Variants in MYPN observed in about 807,000 individuals in gnomAD.
The protein encoded by MYPN is sarcomeric protein myopalladin, 145 kDa (MYOP).
In MYPN, 63 loss-of-function variants were observed where a neutral mutation model predicts 129.4. The ratio of observed to expected loss-of-function variants is 0.49; its 90% CI spans 0.40 to 0.60. The LOEUF (loss-of-function observed/expected upper bound fraction) is 0.60, where lower values mean the gene tolerates loss of function less well. Ranked by LOEUF, MYPN falls within the 20% of genes least tolerant of loss-of-function variation. MYPN has a pLI of 0.00. For missense variants in MYPN, 1,596 were observed against 1,635.4 expected (o/e 0.98, Z 0.42); for synonymous variants, 629 against 600.9 (o/e 1.05, Z -0.68).
Position 68,194,522 on chromosome 10 carries a change from C to T in MYPN, c.3075+10C>T, listed in dbSNP as rs1230004902. The T allele has an allele frequency of 6.2e-7, 1 of 1,612,562 alleles. No homozygotes were observed. The highest frequency in any genetic ancestry group is 1.3e-5 in the African/African-American group (1 of 74,890). ...GGCAGCCAACCCCCAGGTGGAGACG[C>T]AGGGTTCTGCGCTGTGCTGCACTCT... On this transcript the variant is annotated intron_variant, in intron 14 of 19. Coordinates refer to ENST00000358913, the MANE Select transcript of MYPN (RefSeq NM_032578.4).
rs566817550 is a variant in MYPN, at chr10:68,140,411, A to G, written c.903-2529A>G. Among the ~76,000 whole-genome samples, 12 of 152,306 alleles carry G rather than the reference A, an allele frequency of 7.9e-5. No individual in the cohort carries two copies. The South Asian group carries it at 2.5e-3, about 32-fold the overall frequency. On this transcript the variant is annotated intron_variant, in intron 2 of 19. Transcript: ENST00000358913. ...AAGACACTGTCCTTACCTTCAAAAC[A>G]TTTACAACCTAGGAAACTGGTGAGG...
rs11596653 is a variant in MYPN at position 68,148,400 on chromosome 10, T to G, written c.1178T>G (p.Val393Gly). 1 of 1,613,990 alleles carries G rather than the reference T, an allele frequency of 6.2e-7. No homozygotes were observed. The highest frequency in any genetic ancestry group is 8.5e-7 in the Non-Finnish European group (1 of 1,179,950). ...EVSSPPTTSA[V>G]IPPAVPQAQH... is the part of the protein sequence containing the mutation. ...TCATCTCCTCCCACTACCTCTGCAG[T>G]CATTCCTCCAGCAGTACCCCAAGCC... The change falls in exon 5 of 20, where the codon GTC (valine) becomes GGC (glycine). Residue 393 changes from valine to glycine, a missense_variant. Val to Gly is a moderately radical substitution (Grantham distance 109, BLOSUM62 -3). Transcript: ENST00000358913.
intron 12 of MYPN, among the ~76,000 whole-genome samples, chr10:68,182,599 C>T (rs12356184): frequency 0.61 from 91,395 of 150,138 alleles, 29,728 homozygotes; most frequent in Non-Finnish European, 0.72. Context: ...CTGTGCCTCC[C>T]GGGTTCAAGT....
At chr10:68,104,849 T>C (rs778259414), upstream of MYPN, among the ~76,000 whole-genome samples, 5 of 152,164 alleles carry the variant, frequency 3.3e-5, no homozygotes, top group Non-Finnish European at 7.3e-5. Context: ...AGGGGCGTGA[T>C]CTTGGCTCAC....
At position 68,210,988 on chromosome 10, in the gene MYPN, C is replaced by G. The variant is rs1327084261; in HGVS notation, c.*533C>G. The G allele has an allele frequency of 2.2e-6, 1 of 454,176 alleles. No individual in the cohort carries two copies. The highest frequency in any genetic ancestry group is 2.3e-5 in the Admixed American group (1 of 42,574). 28.1% of individuals were successfully genotyped at this position (454,176 alleles called of 1,614,324 possible). A position where few individuals can be genotyped will look rare whatever the true frequency, so the allele number is the denominator to read the frequency against. On this transcript the variant is annotated 3_prime_UTR_variant, in exon 20 of 20. Coordinates refer to ENST00000358913, the MANE Select transcript of MYPN (RefSeq NM_032578.4). ...TTAGGAGGTCATGCCATACAACTCA[C>G]GTATGCGGGCAAACACTTTTGATTT...
At chr10:68,195,092 A>C (rs572186114) in intron 14 of MYPN, among the ~76,000 whole-genome samples, 1 of 152,328 alleles carries the variant, frequency 6.6e-6, no homozygotes, top group African/African-American at 2.4e-5. Context: ...ATCCATTCCT[A>C]CTGAAATGTT....
At chr10:68,123,869 G>A (rs894114274) in intron 2 of MYPN, among the ~76,000 whole-genome samples, 1 of 152,116 alleles carries the variant, frequency 6.6e-6, no homozygotes, top group Non-Finnish European at 1.5e-5. Context: ...AATACCTGCA[G>A]TATTTTTTTA....
At chr10:68,193,540 T>C (rs780836092) in intron 13 of MYPN, among the ~76,000 whole-genome samples, 6 of 152,222 alleles carry the variant, frequency 3.9e-5, no homozygotes, top group Non-Finnish European at 8.8e-5. Flanking sequence ...TCGTTATCAC[T>C]GGATGCTGAA....
At chr10:68,177,141 A>C (rs2043239488) in intron 12 of MYPN, among the ~76,000 whole-genome samples, 1 of 152,210 alleles carries the variant, frequency 6.6e-6, no homozygotes, top group African/African-American at 2.4e-5. Flanking sequence ...CTCAGGGGAA[A>C]GAAGGGTTTT....
chr10:68,175,708 A>G (rs1330595575), intron 12 of MYPN, among the ~76,000 whole-genome samples: 2 of 152,124 alleles, frequency 1.3e-5, no homozygotes, highest in Non-Finnish European at 2.9e-5. Context: ...TATATTAAAG[A>G]AGAGAGTAGA....
chr10:68,144,652 T>A (rs993497760), intron 3 of MYPN, among the ~76,000 whole-genome samples: 1 of 152,130 alleles, frequency 6.6e-6, no homozygotes, highest in Non-Finnish European at 1.5e-5. Flanking sequence ...GTTTTTTTTT[T>A]CTTTGTGACA....
chr10:68,195,659 A>T lies in MYPN; in HGVS notation c.3158+127A>T, dbSNP rs1053415500. The T allele has an allele frequency of 7.7e-6, 6 of 781,356 alleles. No homozygotes were observed. In the African/African-American group the frequency reaches 8.5e-5, roughly 11 times the overall value. 48.4% of individuals were successfully genotyped at this position (781,356 alleles called of 1,614,324 possible). ...GTCCTTCACTTGCAGCACTAGCATC[A>T]CCTGGGCGTTGGTTGGAAATGCAGA... On this transcript the variant is annotated intron_variant, in intron 15 of 19. Coordinates refer to ENST00000358913, the MANE Select transcript of MYPN (RefSeq NM_032578.4).
intron 1 of MYPN, among the ~76,000 whole-genome samples, chr10:68,118,003 T>C (rs927011903): frequency 5.3e-5 from 8 of 152,182 alleles, no homozygotes; most frequent in Non-Finnish European, 7.4e-5. Flanking sequence ...CCCAGTTCTA[T>C]CTAATGCCAA....
chr10:68,189,941 T>A (rs1413769948), intron 13 of MYPN, among the ~76,000 whole-genome samples: 13 of 152,172 alleles, frequency 8.5e-5, no homozygotes, highest in Non-Finnish European at 1.5e-4. Context: ...GAGAAAAGAA[T>A]CTCCATACTG....
In MYPN at chr10:68,175,285, C is replaced by A. The variant is rs564617968; in HGVS notation, c.2565-38C>A. On this transcript the variant is annotated intron_variant, in intron 11 of 19. Coordinates refer to ENST00000358913, the MANE Select transcript of MYPN (RefSeq NM_032578.4). ...CTAGGCCTTTTTACCCTGGCCAGTG[C>A]TTTTCATGGGTGTGTCAGGTGTGGA... is the stretch of plus-strand genomic sequence containing the variant. 8.7e-6 allele frequency: 14 copies of A among 1,613,214 alleles called. No homozygotes were observed. In the East Asian group the frequency reaches 2.7e-4, roughly 31 times the overall value.
intron 1 of MYPN, among the ~76,000 whole-genome samples, chr10:68,096,525 G>A (rs550643091): frequency 6.6e-6 from 1 of 152,320 alleles, no homozygotes; most frequent in East Asian, 1.9e-4. Context: ...TTGTGCCACT[G>A]CCCTCCAGCC....
At chr10:68,094,822 G>C (rs983781518) in intron 1 of MYPN, among the ~76,000 whole-genome samples, 5 of 152,158 alleles carry the variant, frequency 3.3e-5, no homozygotes, top group African/African-American at 1.2e-4. Context: ...AGCACTTTGG[G>C]AGGCCAAGGT....
chr10:68,211,844 C>T lies in MYPN; in HGVS notation c.*1389C>T. On this transcript the variant is annotated 3_prime_UTR_variant, in exon 20 of 20. Coordinates refer to ENST00000358913, the MANE Select transcript of MYPN (RefSeq NM_032578.4). ...CTAGGCTGTGCAGGGAAATGAATTG[C>T]AGGTGTCTGTTTTCAATTCCCTGTG... 2.2e-6 allele frequency: 1 copy of T among 453,682 alleles called. No homozygotes were observed. The highest frequency in any genetic ancestry group is 1.6e-5 in the South Asian group (1 of 64,356). 28.1% of individuals were successfully genotyped at this position (453,682 alleles called of 1,614,324 possible).
At chr10:68,119,861 T>C (rs1168228119) in intron 1 of MYPN, among the ~76,000 whole-genome samples, 1 of 152,210 alleles carries the variant, frequency 6.6e-6, no homozygotes, top group African/African-American at 2.4e-5. Context: ...TAATTGCTTC[T>C]CAAGGTGGCT....
Sources: gnomAD v4.1 joint callset for allele counts (sites outside exome capture counted in the v4.1 genomes callset) on GRCh38, gnomAD v4.1.1 for gene constraint, MANE v1.5 for transcripts, NCBI Gene and HGNC (gene_info 2026-07-23, HGNC 2026-07-21) for gene names.